Variants in DLC1 observed in about 807,000 individuals in gnomAD.
The protein encoded by DLC1 is rho GTPase-activating protein 7.
A neutral mutation model predicts 140.3 loss-of-function variants in DLC1; 54 were observed. The observed-to-expected ratio is 0.38, with a 90% CI of 0.31 to 0.48. The LOEUF (loss-of-function observed/expected upper bound fraction) is 0.48. DLC1 is among the 20% of genes least tolerant of loss of function. DLC1 has a pLI of 0.96. For missense variants in DLC1, 2,536 were observed against 1,907.0 expected (o/e 1.33, Z -6.14); for synonymous variants, 986 against 728.1 (o/e 1.35, Z -5.70).
At chr8:13,364,682 A>G (rs1835398622) in intron 4 of DLC1, among the ~76,000 whole-genome samples, 1 of 152,174 alleles carries the variant, frequency 6.6e-6, no homozygotes, top group African/African-American at 2.4e-5. Flanking sequence ...GCTTACATGG[A>G]TTCCCTTTTT....
At chr8:13,557,308 C>A (rs1804082876) in intron 1 of DLC1, among the ~76,000 whole-genome samples, 1 of 152,116 alleles carries the variant, frequency 6.6e-6, no homozygotes, top group South Asian at 2.1e-4. Flanking sequence ...AGACATGGAA[C>A]ACGTGAGGGC....
chr8:13,564,682 A>C (rs1190956998), intron 1 of DLC1, among the ~76,000 whole-genome samples: 1 of 152,162 alleles, frequency 6.6e-6, no homozygotes, highest in Non-Finnish European at 1.5e-5. Flanking sequence ...AGAGAAGGGG[A>C]ATCATGAATT....
intron 1 of DLC1, among the ~76,000 whole-genome samples, chr8:13,504,678 G>A (rs775349714): frequency 6.6e-5 from 10 of 152,198 alleles, no homozygotes; most frequent in African/African-American, 9.6e-5. Flanking sequence ...TATCAGATTT[G>A]TCAAAAGTAA....
intron 1 of DLC1, among the ~76,000 whole-genome samples, chr8:13,546,037 G>T (rs1430452612): frequency 3.3e-5 from 5 of 152,110 alleles, no homozygotes; most frequent in African/African-American, 1.2e-4. Context: ...GAATGGGGAA[G>T]TGGATTAAGA....
chr8:13,134,521 G>A (rs1035154025), intron 5 of DLC1, among the ~76,000 whole-genome samples: 1 of 152,166 alleles, frequency 6.6e-6, no homozygotes, highest in African/African-American at 2.4e-5. Flanking sequence ...AGCTGGGGAA[G>A]GGCACAATTT....
At chr8:13,441,168 C>T (rs1421687443) in intron 2 of DLC1, among the ~76,000 whole-genome samples, 1 of 152,138 alleles carries the variant, frequency 6.6e-6, no homozygotes, top group Non-Finnish European at 1.5e-5. Flanking sequence ...ACCCTTCATG[C>T]TAAAAACTCT....
At chr8:13,480,532 T>C (rs1316948102) in intron 2 of DLC1, among the ~76,000 whole-genome samples, 2 of 152,190 alleles carry the variant, frequency 1.3e-5, no homozygotes, top group Non-Finnish European at 2.9e-5. Context: ...ACTGCTATGG[T>C]CTTTGAATCT....
intron 5 of DLC1, among the ~76,000 whole-genome samples, chr8:13,283,939 C>G (rs1374537818): frequency 1.3e-5 from 2 of 152,118 alleles, no homozygotes; most frequent in South Asian, 2.1e-4. Flanking sequence ...TCTTCCCAAG[C>G]CTTTGGCTGA....
intron 5 of DLC1, among the ~76,000 whole-genome samples, chr8:13,220,741 ATTACT>A (rs1456222389): frequency 2.0e-5 from 3 of 152,164 alleles, no homozygotes; most frequent in Non-Finnish European, 4.4e-5. Flanking sequence ...TCCATACATC[ATTACT>A]TTAGGAACTA....
intron 4 of DLC1, among the ~76,000 whole-genome samples, chr8:13,387,872 T>C (rs1836592318): frequency 6.6e-6 from 1 of 152,090 alleles, no homozygotes; most frequent in Non-Finnish European, 1.5e-5. Context: ...TGTTCAACAC[T>C]GGGTTCCTTC....
intron 4 of DLC1, among the ~76,000 whole-genome samples, chr8:13,321,214 A>G (rs1833093085): frequency 6.6e-6 from 1 of 152,226 alleles, no homozygotes; most frequent in South Asian, 2.1e-4. Flanking sequence ...GAAGTAGTCT[A>G]TAGAAAAACT....
intron 5 of DLC1, among the ~76,000 whole-genome samples, chr8:13,198,962 C>T (rs1827221620): frequency 6.6e-6 from 1 of 152,018 alleles, no homozygotes; most frequent in Non-Finnish European, 1.5e-5. Context: ...GGTGGTGTGC[C>T]CGCCTTGGCC....
chr8:13,158,092 G>C (rs1824393212), intron 5 of DLC1, among the ~76,000 whole-genome samples: 1 of 152,136 alleles, frequency 6.6e-6, no homozygotes, highest in African/African-American at 2.4e-5. Flanking sequence ...ACTCAAGACA[G>C]CTTTTTTTAT....
intron 1 of DLC1, among the ~76,000 whole-genome samples, chr8:13,570,334 G>T: frequency 6.9e-6 from 1 of 145,760 alleles, no homozygotes; most frequent in African/African-American, 2.6e-5. Flanking sequence ...TAGGGTACCT[G>T]TGCACATTGT....
At position 13,092,600 on chromosome 8, in the gene DLC1, T is replaced by C. The variant is rs201419347; in HGVS notation, c.3740+12A>G. ...GCCCCCTGTGTGCATGCACCTCCCA[T>C]GCAGCCCGTACCTGGGAGAGGAATT... is the stretch of plus-strand genomic sequence containing the variant. On this transcript the variant is annotated intron_variant, in intron 13 of 17. Coordinates refer to ENST00000276297, the MANE Select transcript of DLC1 (RefSeq NM_182643.3). The C allele has an allele frequency of 1.7e-4, 269 of 1,613,234 alleles. 3 individuals are homozygous for C. The East Asian group carries it at 5.6e-3, about 33-fold the overall frequency.
chr8:13,162,603 G>A lies in DLC1; in HGVS notation c.1349-46946C>T, dbSNP rs981042306. ...CTCCCAAAGTGCTAGGATTACAGGC[G>A]TGAGCCACGGCTCCCAGCCAGTAGG... On this transcript the variant is annotated intron_variant, in intron 5 of 17. Transcript: ENST00000276297. 9.2e-5 allele frequency among the ~76,000 whole-genome samples: 14 copies of A among 152,276 alleles called. No individual in the cohort carries two copies. In the South Asian group the frequency reaches 1.0e-3, roughly 11 times the overall value.
At chr8:13,107,409 G>A (rs1425748943) in intron 7 of DLC1, among the ~76,000 whole-genome samples, 2 of 152,114 alleles carry the variant, frequency 1.3e-5, no homozygotes, top group East Asian at 3.9e-4. Context: ...ATAAAATATG[G>A]TCCAGTACAA....
In DLC1 at chr8:13,317,274, G is replaced by A. The variant is rs150407920; in HGVS notation, c.1315-11972C>T. Among the ~76,000 whole-genome samples the A allele has an allele frequency of 8.5e-5, 13 of 152,272 alleles. No homozygotes were observed. In the East Asian group the frequency reaches 2.5e-3, roughly 29 times the overall value. Reference sequence around the variant, plus strand: ...ACATAGATGGGAGGATAATTAACTAGGAAGTATGAAAACGTTAGTGTCCAG... The same window carrying A: ...ACATAGATGGGAGGATAATTAACTAAGAAGTATGAAAACGTTAGTGTCCAG... On this transcript the variant is annotated intron_variant, in intron 4 of 17. Transcript: ENST00000276297.
chr8:13,456,112 G>T (rs536549631), intron 2 of DLC1, among the ~76,000 whole-genome samples: 1 of 152,146 alleles, frequency 6.6e-6, no homozygotes, highest in Non-Finnish European at 1.5e-5. Flanking sequence ...AGAGTTTCCC[G>T]TAACAGCAAA....
Sources: allele counts gnomAD v4.1 joint callset (sites outside exome capture counted in the v4.1 genomes callset), GRCh38; gene constraint gnomAD v4.1.1; transcripts MANE v1.5; gene names NCBI Gene and HGNC (gene_info 2026-07-23, HGNC 2026-07-21).